The following UNC13C variants were observed in gnomAD, a reference collection of about 807,000 sequenced individuals.
UNC13C encodes the protein protein unc-13 homolog C.
Under a neutral mutation model 245.4 loss-of-function variants are expected in UNC13C, and 174 were observed. The ratio of observed to expected loss-of-function variants is 0.71; its 90% CI spans 0.63 to 0.80. The LOEUF (loss-of-function observed/expected upper bound fraction) is 0.80, where lower values mean the gene tolerates loss of function less well. UNC13C is among the 30% of genes least tolerant of loss of function. UNC13C has a pLI of 0.00. For missense variants in UNC13C, 2,829 were observed against 2,602.9 expected (o/e 1.09, Z -1.89); for synonymous variants, 992 against 895.1 (o/e 1.11, Z -1.93).
intron 1 of UNC13C, among the ~76,000 whole-genome samples, chr15:53,987,832 T>G (rs1566933385): frequency 6.6e-6 from 1 of 152,096 alleles, no homozygotes; most frequent in Non-Finnish European, 1.5e-5. Context: ...CTTTCCTGAT[T>G]GAGAGATATA....
chr15:54,234,927 C>T, intron 4 of UNC13C, 103 bp from the exon 5 acceptor site: 2 of 969,976 alleles, frequency 2.1e-6, no homozygotes, highest in Non-Finnish European at 3.2e-6. Context: ...ACTATGGTAT[C>T]CAGGTCATCT....
chr15:54,597,883 A>C (rs567080092), intron 30 of UNC13C, among the ~76,000 whole-genome samples: 1 of 152,312 alleles, frequency 6.6e-6, no homozygotes, highest in Admixed American at 6.5e-5. Context: ...CACAGTAATG[A>C]CTTTTTCAAA....
At chr15:54,005,000 C>G (rs941440459) in intron 1 of UNC13C, among the ~76,000 whole-genome samples, 1 of 152,030 alleles carries the variant, frequency 6.6e-6, no homozygotes, top group African/African-American at 2.4e-5. Flanking sequence ...TGTGCAGAAG[C>G]TTTTTAACTT....
In UNC13C at chr15:54,424,204, GA is replaced by G. The variant is rs1037794375; in HGVS notation, c.4933+9147del. Among the ~76,000 whole-genome samples the G allele has an allele frequency of 1.7e-3, 258 of 147,498 alleles. 1 individual carries two copies. The highest frequency in any genetic ancestry group is 5.7e-3 in the African/African-American group (230 of 40,394). ...ATGTAGATATGTAGATATAACCAAT[GA>G]AAAAAAAAATAGCTGTGACTATTTT... On this transcript the variant is annotated intron_variant, in intron 19 of 32. Coordinates refer to ENST00000260323, the MANE Select transcript of UNC13C (RefSeq NM_001080534.3).
chr15:54,265,452 C>A lies in UNC13C; in HGVS notation c.3774C>A (p.Thr1258=), dbSNP rs370640982. ...QVGKNKRRTK[T]IFGNLNPVWD... ...GAAAGAACAAAAGAAGAACAAAAAC[C>A]ATTTTTGGAAATTTGAATCCAGTAT... The change falls in exon 10 of 33, where the codon ACC becomes ACA. Residue 1258 remains threonine, a synonymous_variant. Coordinates refer to ENST00000260323, the MANE Select transcript of UNC13C (RefSeq NM_001080534.3). The A allele has an allele frequency of 5.1e-6, 8 of 1,566,426 alleles. No homozygotes were observed. The African/African-American group carries it at 9.4e-5, about 18-fold the overall frequency.
intron 4 of UNC13C, among the ~76,000 whole-genome samples, chr15:54,228,394 C>T (rs758135310): frequency 6.6e-6 from 1 of 151,984 alleles, no homozygotes; most frequent in African/African-American, 2.4e-5. Context: ...CTCCTTCACC[C>T]TTTTCTCTCC....
intron 4 of UNC13C, among the ~76,000 whole-genome samples, chr15:54,197,730 C>T (rs74019408): frequency 0.18 from 27,909 of 152,036 alleles, 3,123 homozygotes; most frequent in Middle Eastern, 0.29. Flanking sequence ...GCAGCTCCTG[C>T]TCAGACAGAG....
chr15:53,891,080 T>G, the UNC13C span, among the ~76,000 whole-genome samples: 1 of 152,202 alleles, frequency 6.6e-6, no homozygotes. Context: ...TTCCCATTGG[T>G]TTCAAGGAAC....
chr15:54,036,939 C>T (rs571777496), intron 2 of UNC13C, among the ~76,000 whole-genome samples: 11 of 152,326 alleles, frequency 7.2e-5, no homozygotes, highest in African/African-American at 2.4e-4. Flanking sequence ...ACCTTCTGCT[C>T]TTAAGTCACG....
the UNC13C span, among the ~76,000 whole-genome samples, chr15:53,965,720 C>A: frequency 6.8e-3 from 1,035 of 152,108 alleles, 5 homozygotes; most frequent in Non-Finnish European, 0.011. Flanking sequence ...TCCCCACTCC[C>A]CCTACCCCAC....
chr15:54,459,602 T>A (rs1596413683), intron 19 of UNC13C, among the ~76,000 whole-genome samples: 1 of 152,260 alleles, frequency 6.6e-6, no homozygotes, highest in Admixed American at 6.5e-5. Context: ...TTCTCTTGTT[T>A]CTTTGTCTTT....
At chr15:54,483,600 A>G (rs517752) in intron 19 of UNC13C, among the ~76,000 whole-genome samples, 19,092 of 152,060 alleles carry the variant, frequency 0.13, 1,319 homozygotes, top group Non-Finnish European at 0.17. Flanking sequence ...GCTTCAAGCC[A>G]TTCACCTGCC....
At chr15:54,362,195 GC>G (rs2039248688) in intron 17 of UNC13C, among the ~76,000 whole-genome samples, 1 of 152,204 alleles carries the variant, frequency 6.6e-6, no homozygotes, top group Non-Finnish European at 1.5e-5. Flanking sequence ...AGGTGATTGA[GC>G]CTTCCTGGCA....
At chr15:54,302,272 T>C (rs2037605349) in intron 13 of UNC13C, among the ~76,000 whole-genome samples, 1 of 152,216 alleles carries the variant, frequency 6.6e-6, no homozygotes, top group African/African-American at 2.4e-5. Context: ...TTTCTTTTGC[T>C]GTGCAGAAGC....
chr15:53,903,348 A>G, the UNC13C span, among the ~76,000 whole-genome samples: 1 of 152,368 alleles, frequency 6.6e-6, no homozygotes, highest in East Asian at 1.9e-4. Context: ...AAAATAAATC[A>G]GAAGCACATC....
chr15:54,254,842 A>G (rs2036238990), intron 8 of UNC13C, among the ~76,000 whole-genome samples: 1 of 152,186 alleles, frequency 6.6e-6, no homozygotes. Context: ...TTATGGGAGA[A>G]AGCACATAGG....
chr15:53,948,106 A>C, the UNC13C span: 1 of 152,188 alleles, frequency 6.6e-6, no homozygotes, highest in African/African-American at 2.4e-5. Context: ...AGCCAAAACC[A>C]AAATCTTGAT....
chr15:54,106,701 C>G (rs2141166383), intron 2 of UNC13C, among the ~76,000 whole-genome samples: 1 of 152,322 alleles, frequency 6.6e-6, no homozygotes, highest in African/African-American at 2.4e-5. Flanking sequence ...ATCCTTCCAT[C>G]CCTCATCTGA....
intron 2 of UNC13C, among the ~76,000 whole-genome samples, chr15:54,042,617 G>A (rs1896853327): frequency 6.6e-6 from 1 of 152,118 alleles, no homozygotes; most frequent in African/African-American, 2.4e-5. Flanking sequence ...ACTTTGGGAG[G>A]CTGAGGCGGG....
Sources: gnomAD v4.1 joint callset for allele counts (sites outside exome capture counted in the v4.1 genomes callset) on GRCh38, gnomAD v4.1.1 for gene constraint, MANE v1.5 for transcripts, NCBI Gene and HGNC (gene_info 2026-07-23, HGNC 2026-07-21) for gene names.